BICD1: variants seen among roughly 807,000 people sequenced by gnomAD.
BICD1 encodes BICD cargo adaptor 1.
Under a neutral mutation model 92.5 loss-of-function variants are expected in BICD1, and 35 were observed. The ratio of observed to expected loss-of-function variants is 0.38; its 90% confidence interval spans 0.29 to 0.50. The LOEUF is 0.50. Among genes scored for constraint, BICD1 ranks in the 20% least tolerant of loss-of-function variants. BICD1 has a pLI of 0.93. For missense variants in BICD1, 950 were observed against 1,189.8 expected (o/e 0.80, Z 2.97); for synonymous variants, 429 against 465.1 (o/e 0.92, Z 1.00).
chr12:32,183,600 T>C (rs746797660), intron 1 of BICD1, among the ~76,000 whole-genome samples: 1 of 152,202 alleles, frequency 6.6e-6, no homozygotes, highest in Non-Finnish European at 1.5e-5. Context: ...TTGATTTTCA[T>C]AGTTGTGTGG....
At chr12:32,295,656 CTTT>C (rs142531197) in intron 3 of BICD1, among the ~76,000 whole-genome samples, 8 of 140,630 alleles carry the variant, frequency 5.7e-5, no homozygotes, top group Admixed American at 7.1e-5. Flanking sequence ...AATTTGATTT[CTTT>C]TTTTTTTTTT....
At chr12:32,136,632 A>T (rs1942745623) in intron 1 of BICD1, among the ~76,000 whole-genome samples, 1 of 151,968 alleles carries the variant, frequency 6.6e-6, no homozygotes, top group South Asian at 2.1e-4. Context: ...ATAAAATGAC[A>T]GCAGCTAAGG....
intron 2 of BICD1, among the ~76,000 whole-genome samples, chr12:32,240,626 G>A (rs1006003728): frequency 6.6e-6 from 1 of 152,068 alleles, no homozygotes; most frequent in African/African-American, 2.4e-5. Flanking sequence ...TAATTTAATC[G>A]TATCTGCAAA....
In BICD1 at chr12:32,259,163, C is replaced by T. The variant is rs958118935; in HGVS notation, c.427-34831C>T. Among the ~76,000 whole-genome samples the T allele has an allele frequency of 3.9e-5, 6 of 152,266 alleles. No homozygotes were observed. In the East Asian group the frequency reaches 5.8e-4, roughly 15 times the overall value. ...TCCCTTCAGCACCTGACCCTATACC[C>T]GCCGTTATTCCTTGGTTATATTAGT... On this transcript the variant is annotated intron_variant, in intron 2 of 9. Transcript: ENST00000652176.
chr12:32,283,947 C>A (rs998322016), intron 2 of BICD1, among the ~76,000 whole-genome samples: 1 of 152,242 alleles, frequency 6.6e-6, no homozygotes, highest in Non-Finnish European at 1.5e-5. Flanking sequence ...AGCGGCCGTG[C>A]AGCCAATAAT....
Position 32,334,501 on chromosome 12 carries a change from G to A in BICD1, c.2101-15G>A, listed in dbSNP as rs758030969. 5.6e-6 allele frequency: 9 copies of A among 1,596,076 alleles called. No homozygotes were observed. The South Asian group carries it at 6.8e-5, about 12-fold the overall frequency. On this transcript the variant is annotated splice_polypyrimidine_tract_variant and intron_variant, in intron 5 of 9. Transcript: ENST00000652176. ...CTGATATGAAAATTGTAAGCAGTGT[G>A]ATTTTCTGCTTTAGACAGCTGAGGT...
At chr12:32,217,867 C>T (rs1236330012) in intron 2 of BICD1, among the ~76,000 whole-genome samples, 1 of 152,192 alleles carries the variant, frequency 6.6e-6, no homozygotes, top group Non-Finnish European at 1.5e-5. Flanking sequence ...CAAACATTTG[C>T]AGGGAGCAAC....
At chr12:32,131,294 G>A (rs1360396906) in intron 1 of BICD1, among the ~76,000 whole-genome samples, 5 of 151,992 alleles carry the variant, frequency 3.3e-5, no homozygotes, top group Middle Eastern at 3.4e-3. Flanking sequence ...TTCTGTTGCC[G>A]TATATTTCAG....
intron 1 of BICD1, among the ~76,000 whole-genome samples, chr12:32,192,193 AG>A (rs1944588825): frequency 1.3e-5 from 2 of 152,150 alleles, no homozygotes; most frequent in Non-Finnish European, 2.9e-5. Flanking sequence ...GCACTTTGGG[AG>A]GCCAAGGTGG....
chr12:32,298,336 C>T (rs1490324239), intron 3 of BICD1, among the ~76,000 whole-genome samples: 2 of 151,796 alleles, frequency 1.3e-5, no homozygotes, highest in African/African-American at 2.4e-5. Flanking sequence ...CCGAGGTGGG[C>T]GGATCGCGAG....
chr12:32,119,131 A>G (rs2121210598), intron 1 of BICD1, among the ~76,000 whole-genome samples: 1 of 152,308 alleles, frequency 6.6e-6, no homozygotes, highest in East Asian at 1.9e-4. Context: ...TAAGAAGAGG[A>G]CAAGTGCCAA....
chr12:32,307,850 T>C (rs940894469), intron 4 of BICD1, among the ~76,000 whole-genome samples: 5 of 152,238 alleles, frequency 3.3e-5, no homozygotes, highest in East Asian at 1.9e-4. Flanking sequence ...GCCCCCCAGA[T>C]TGAATACCAT....
chr12:32,155,600 C>T (rs1306564755), intron 1 of BICD1, among the ~76,000 whole-genome samples: 3 of 152,130 alleles, frequency 2.0e-5, no homozygotes, highest in East Asian at 1.9e-4. Flanking sequence ...AAAGAGATCG[C>T]TTTTGTTGCT....
intron 2 of BICD1, among the ~76,000 whole-genome samples, chr12:32,234,688 T>C (rs1032743677): frequency 2.1e-5 from 3 of 140,308 alleles, no homozygotes; most frequent in South Asian, 2.2e-4. Flanking sequence ...TTTTTTTTTT[T>C]CTGGAGTTAG....
chr12:32,230,930 A>G (rs1945867337), intron 2 of BICD1, among the ~76,000 whole-genome samples: 1 of 152,246 alleles, frequency 6.6e-6, no homozygotes, highest in African/African-American at 2.4e-5. Flanking sequence ...TTGATTGGTC[A>G]TAAAATGCAA....
intron 2 of BICD1, among the ~76,000 whole-genome samples, chr12:32,269,582 T>C (rs1197155911): frequency 2.0e-5 from 3 of 152,174 alleles, no homozygotes; most frequent in East Asian, 3.8e-4. Flanking sequence ...ATCAAAAAGA[T>C]AGGTAAATAT....
At chr12:32,179,713 G>A (rs1043083903) in intron 1 of BICD1, among the ~76,000 whole-genome samples, 4 of 151,818 alleles carry the variant, frequency 2.6e-5, no homozygotes, top group South Asian at 2.1e-4. Flanking sequence ...CACAGGGACC[G>A]GGTGCAATGG....
At chr12:32,232,759 T>G (rs1945930079) in intron 2 of BICD1, among the ~76,000 whole-genome samples, 1 of 152,142 alleles carries the variant, frequency 6.6e-6, no homozygotes, top group Non-Finnish European at 1.5e-5. Context: ...TTGAATTGAT[T>G]TTTGTATAAG....
chr12:32,138,907 G>A (rs1344143869), intron 1 of BICD1, among the ~76,000 whole-genome samples: 1 of 152,150 alleles, frequency 6.6e-6, no homozygotes, highest in Non-Finnish European at 1.5e-5. Context: ...GGCATTGTAA[G>A]TTCTAAATTG....
Sources: gnomAD v4.1 joint callset for allele counts (sites outside exome capture counted in the v4.1 genomes callset) on GRCh38, gnomAD v4.1.1 for gene constraint, MANE v1.5 for transcripts, NCBI Gene and HGNC (gene_info 2026-07-23, HGNC 2026-07-21) for gene names.